NEMP2: variants seen among roughly 807,000 people sequenced by gnomAD.
NEMP2 encodes UPF0571 transmembrane protein.
NEMP2 carries 53 observed loss-of-function variants against 54.2 expected under a neutral mutation model. The ratio of observed to expected loss-of-function variants is 0.98; its 90% CI spans 0.78 to 1.23. The LOEUF is 1.23. Among genes scored for constraint, NEMP2 ranks in the 50% most tolerant of loss-of-function variants. NEMP2 has a pLI of 0.00. For missense variants in NEMP2, 455 were observed against 511.3 expected (o/e 0.89, Z 1.06); for synonymous variants, 197 against 190.3 (o/e 1.04, Z -0.29).
At chr2:190,584,517 G>A in the NEMP2 span, among the ~76,000 whole-genome samples, 4 of 152,112 alleles carry the variant, frequency 2.6e-5, no homozygotes, top group African/African-American at 9.7e-5. The surrounding 1 kb of genome is among the most constrained non-coding windows in gnomAD (Gnocchi z 4.2). Flanking sequence ...TGTCAAACTT[G>A]TGTAAGAGCA....
the NEMP2 span, among the ~76,000 whole-genome samples, chr2:190,542,509 G>A: frequency 1.3e-5 from 2 of 152,188 alleles, no homozygotes; most frequent in Non-Finnish European, 1.5e-5. This position sits in a 1 kb window ranked among gnomAD's most constrained non-coding sequence, Gnocchi z 4.6. Flanking sequence ...ACTGTGTCCA[G>A]CCCTGAGATT....
chr2:190,636,123 C>A, the NEMP2 span, among the ~76,000 whole-genome samples: 1 of 152,198 alleles, frequency 6.6e-6, no homozygotes, highest in Admixed American at 6.5e-5. Context: ...CCTTGGCCTC[C>A]CAAAATATTG....
At chr2:190,643,399 C>T in the NEMP2 span, among the ~76,000 whole-genome samples, 2 of 152,106 alleles carry the variant, frequency 1.3e-5, no homozygotes, top group African/African-American at 4.8e-5. Context: ...TTTCTGAAAC[C>T]TCCAGCACTG....
the NEMP2 span, among the ~76,000 whole-genome samples, chr2:190,448,483 A>G: frequency 7.2e-5 from 11 of 152,250 alleles, no homozygotes; most frequent in African/African-American, 2.7e-4. Context: ...TGCAGGGGTT[A>G]AAAGAAATAG....
chr2:190,572,847 ATATATATATATATAT>A, the NEMP2 span, among the ~76,000 whole-genome samples: 2 of 109,232 alleles, frequency 1.8e-5, no homozygotes, highest in African/African-American at 7.0e-5. Context: ...ATATATATAT[ATATATATATATATAT>A]ATATATATAT....
the NEMP2 span, among the ~76,000 whole-genome samples, chr2:190,617,840 C>T: frequency 4.1e-4 from 62 of 152,280 alleles, 1 homozygote; most frequent in East Asian, 0.011. This position sits in a 1 kb window ranked among gnomAD's most constrained non-coding sequence, Gnocchi z 5.0. Context: ...CTTATCACCA[C>T]GATTACTGCT....
At position 190,521,060 on chromosome 2, in the gene NEMP2, G is replaced by A. The variant is rs1282306082; in HGVS notation, c.214-1877C>T. Among the ~76,000 whole-genome samples the A allele has an allele frequency of 6.6e-6, 1 of 152,186 alleles. No homozygotes were observed. The highest frequency in any genetic ancestry group is 2.4e-5 in the African/African-American group (1 of 41,440). ...TTTGCATCACCAGTGTGCTAGAGAAGTGCACACTGGTCTCACTTCAAATCC... is the reference window on the plus strand; with the variant it reads ...TTTGCATCACCAGTGTGCTAGAGAAATGCACACTGGTCTCACTTCAAATCC... On this transcript the variant is annotated intron_variant, in intron 2 of 8. Transcript: ENST00000409150. The surrounding 1 kb of genome is among the most constrained non-coding windows in gnomAD (Gnocchi z 6.2).
chr2:190,637,921 T>C, the NEMP2 span, among the ~76,000 whole-genome samples: 2 of 152,240 alleles, frequency 1.3e-5, no homozygotes, highest in South Asian at 4.1e-4. The surrounding 1 kb of genome is among the most constrained non-coding windows in gnomAD (Gnocchi z 4.5). Flanking sequence ...AGTAGCACAC[T>C]GCAACCTTAA....
chr2:190,593,757 A>C, the NEMP2 span, among the ~76,000 whole-genome samples: 1 of 151,972 alleles, frequency 6.6e-6, no homozygotes, highest in Non-Finnish European at 1.5e-5. This position sits in a 1 kb window ranked among gnomAD's most constrained non-coding sequence, Gnocchi z 4.5. Context: ...AACTTCCCCC[A>C]CCCTTGCTTT....
the NEMP2 span, among the ~76,000 whole-genome samples, chr2:190,613,854 T>C: frequency 2.0e-5 from 3 of 152,204 alleles, 1 homozygote; most frequent in South Asian, 6.2e-4. Context: ...CCTCCTAAAG[T>C]GCTGGGATTA....
At chr2:190,572,833 G>GTGTATA in the NEMP2 span, among the ~76,000 whole-genome samples, 20 of 47,866 alleles carry the variant, frequency 4.2e-4, no homozygotes, top group African/African-American at 1.7e-3. Context: ...CTTTTCATGA[G>GTGTATA]TATATATATA....
chr2:190,518,763 A>C lies in NEMP2; in HGVS notation c.491T>G (p.Leu164Arg). The C allele has an allele frequency of 6.5e-7, 1 of 1,545,932 alleles. No homozygotes were observed. The highest frequency in any genetic ancestry group is 1.7e-4 in the Middle Eastern group (1 of 5,952). The change falls in exon 4 of 9, where the codon CTT (leucine) becomes CGT (arginine). Residue 164 changes from leucine (L) to arginine (R), a missense_variant. Physicochemically the swap from Leu to Arg is moderately radical, Grantham distance 102. Transcript: ENST00000409150. ...LFLVFVAGVF[L>R]FFYARTLSQS... ...ACTCAGGGTCCTTGCATAAAAGAAA[A>C]GAAAAACTCCTGCCACAAACACAAG...
the NEMP2 span, among the ~76,000 whole-genome samples, chr2:190,634,570 C>A: frequency 1.3e-5 from 2 of 152,152 alleles, no homozygotes; most frequent in African/African-American, 4.8e-5. The surrounding 1 kb of genome is among the most constrained non-coding windows in gnomAD (Gnocchi z 6.8). Flanking sequence ...CAAGAAACAC[C>A]TAATAGTCAT....
the NEMP2 span, among the ~76,000 whole-genome samples, chr2:190,446,396 G>T: frequency 6.6e-6 from 1 of 152,160 alleles, no homozygotes; most frequent in Non-Finnish European, 1.5e-5. Context: ...CGACAGAAAG[G>T]CACAGGCACT....
Position 190,530,040 on chromosome 2 carries a change from A to T in NEMP2, c.97+4519T>A, listed in dbSNP as rs761691059. 1.3e-5 allele frequency among the ~76,000 whole-genome samples: 2 copies of T among 152,256 alleles called. No individual in the cohort carries two copies. Among genetic ancestry groups the T allele is most frequent in the Non-Finnish European group, 2.9e-5 (2 of 68,044 alleles). On this transcript the variant is annotated intron_variant, in intron 1 of 8. Transcript: ENST00000409150. This position sits in a 1 kb window ranked among gnomAD's most constrained non-coding sequence, Gnocchi z 4.6. ...CTGGATAGAGGAGGTCAGAAAGAATAGGTGGCATTAAGCTTCTTTTGTTTG... is the reference window on the plus strand; with the variant it reads ...CTGGATAGAGGAGGTCAGAAAGAATTGGTGGCATTAAGCTTCTTTTGTTTG...
At chr2:190,591,933 T>C in the NEMP2 span, among the ~76,000 whole-genome samples, 1 of 152,152 alleles carries the variant, frequency 6.6e-6, no homozygotes, top group Non-Finnish European at 1.5e-5. This position sits in a 1 kb window ranked among gnomAD's most constrained non-coding sequence, Gnocchi z 5.4. Context: ...GGGGCAATCA[T>C]AAATAGGCCT....
the NEMP2 span, among the ~76,000 whole-genome samples, chr2:190,546,528 G>A: frequency 1.3e-5 from 2 of 152,088 alleles, no homozygotes; most frequent in Admixed American, 6.5e-5. This position sits in a 1 kb window ranked among gnomAD's most constrained non-coding sequence, Gnocchi z 5.1. Context: ...TGCTAATGTC[G>A]TTAATCATAT....
chr2:190,425,035 G>A, the NEMP2 span, among the ~76,000 whole-genome samples: 2 of 152,210 alleles, frequency 1.3e-5, no homozygotes, highest in South Asian at 4.1e-4. This position sits in a 1 kb window ranked among gnomAD's most constrained non-coding sequence, Gnocchi z 4.3. Flanking sequence ...TCTTTCATCA[G>A]CATTTTATGG....
the NEMP2 span, among the ~76,000 whole-genome samples, chr2:190,557,068 T>C: frequency 6.6e-6 from 1 of 152,172 alleles, no homozygotes; most frequent in African/African-American, 2.4e-5. Context: ...CTACCTGTCT[T>C]CAGACTATAC....
Sources: gnomAD v4.1 joint callset for allele counts (sites outside exome capture counted in the v4.1 genomes callset) on GRCh38, gnomAD v4.1.1 for gene constraint, Gnocchi (gnomAD v3.1) non-coding constraint, MANE v1.5 for transcripts, NCBI Gene and HGNC (gene_info 2026-07-23, HGNC 2026-07-21) for gene names.